LRRC20: variants seen among roughly 807,000 people sequenced by gnomAD.
LRRC20 encodes leucine-rich repeat-containing protein 20.
Under a neutral mutation model 14.4 loss-of-function variants are expected in LRRC20, and 11 were observed. The observed-to-expected ratio is 0.77, with a 90% CI of 0.48 to 1.27. LRRC20 has a LOEUF of 1.27. Among genes scored for constraint, LRRC20 ranks in the 50% most tolerant of loss-of-function variants. LRRC20 has a pLI of 0.00. For synonymous variants in LRRC20, 121 were observed against 107.3 expected (o/e 1.13, Z -0.79); for missense variants, 219 against 251.2 (o/e 0.87, Z 0.87).
chr10:70,368,157 CTTTTTTTT>C (rs373588441), intron 2 of LRRC20, among the ~76,000 whole-genome samples: 3 of 102,804 alleles, frequency 2.9e-5, no homozygotes, highest in East Asian at 2.8e-4. Flanking sequence ...CTAATTTTTG[CTTTTTTTT>C]TTTTTTTTTT....
At chr10:70,325,760 C>T (rs1276384927) in intron 3 of LRRC20, among the ~76,000 whole-genome samples, 1 of 152,100 alleles carries the variant, frequency 6.6e-6, no homozygotes, top group Non-Finnish European at 1.5e-5. Context: ...GCGTGGGTGC[C>T]CTGCACTGTG....
Position 70,341,222 on chromosome 10 carries a change from A to G in LRRC20, c.83-520T>C, listed in dbSNP as rs150821745. On this transcript the variant is annotated intron_variant, in intron 2 of 4. Coordinates refer to ENST00000446961, the MANE Select transcript of LRRC20 (RefSeq NM_001278212.2). ...TGGGAAGCCACTGTGCAGAACAGTC[A>G]GGCACTTCCTCAAATGGTTAAACAC... 4.0e-3 allele frequency among the ~76,000 whole-genome samples: 604 copies of G among 152,370 alleles called. 6 individuals carry two copies. The highest frequency in any genetic ancestry group is 0.013 in the African/African-American group (533 of 41,584).
chr10:70,381,846 G>A (rs1053558227), intron 1 of LRRC20: 2 of 152,320 alleles, frequency 1.3e-5, no homozygotes, highest in African/African-American at 2.4e-5. Context: ...TTGTTTTTGT[G>A]GCATGGGGTT....
chr10:70,325,068 T>A (rs1031265492), intron 3 of LRRC20, among the ~76,000 whole-genome samples: 1 of 151,940 alleles, frequency 6.6e-6, no homozygotes, highest in African/African-American at 2.4e-5. Flanking sequence ...ACAGTGAGTC[T>A]CTCCCCACCC....
At chr10:70,346,568 T>C (rs1843078585) in intron 2 of LRRC20, among the ~76,000 whole-genome samples, 1 of 152,242 alleles carries the variant, frequency 6.6e-6, no homozygotes, top group Admixed American at 6.5e-5. Flanking sequence ...GTGTTGATTG[T>C]TTCTCTTGTT....
intron 4 of LRRC20, among the ~76,000 whole-genome samples, chr10:70,317,916 T>G (rs1841930256): frequency 6.6e-6 from 1 of 152,210 alleles, no homozygotes; most frequent in African/African-American, 2.4e-5. Context: ...AACATTTGTT[T>G]CGGCCAAGAT....
intron 4 of LRRC20, among the ~76,000 whole-genome samples, chr10:70,320,129 A>G (rs1842021520): frequency 6.6e-6 from 1 of 152,170 alleles, no homozygotes; most frequent in South Asian, 2.1e-4. Context: ...GAGGGATGAG[A>G]GGAGGAAGGC....
chr10:70,375,711 T>A (rs10733866), intron 2 of LRRC20, among the ~76,000 whole-genome samples: 1 of 152,044 alleles, frequency 6.6e-6, no homozygotes, highest in Admixed American at 6.5e-5. Context: ...CTGCATTCCA[T>A]GGGTGACATA....
chr10:70,368,461 T>C (rs964812839), intron 2 of LRRC20, among the ~76,000 whole-genome samples: 1 of 151,870 alleles, frequency 6.6e-6, no homozygotes, highest in Non-Finnish European at 1.5e-5. Context: ...CCGGCCATTT[T>C]TGCATTTTTA....
chr10:70,305,133 G>A (rs1014141976), intron 4 of LRRC20, among the ~76,000 whole-genome samples: 11 of 151,478 alleles, frequency 7.3e-5, no homozygotes, highest in South Asian at 2.1e-4. Flanking sequence ...GCAGTGAGCC[G>A]AGATCACACC....
At chr10:70,373,565 G>A (rs545379984) in intron 2 of LRRC20, among the ~76,000 whole-genome samples, 86 of 152,320 alleles carry the variant, frequency 5.6e-4, no homozygotes, top group Non-Finnish European at 1.0e-3. Context: ...ACTATGGCCA[G>A]GTTGGAAATT....
intron 4 of LRRC20, among the ~76,000 whole-genome samples, chr10:70,309,890 C>G (rs1169956212): frequency 1.3e-5 from 2 of 152,252 alleles, no homozygotes. Flanking sequence ...GGAACACATC[C>G]CCACGACTCC....
At chr10:70,369,464 GGAGGGAAGTTGAATACCC>G (rs1171565757) in intron 2 of LRRC20, among the ~76,000 whole-genome samples, 6 of 152,142 alleles carry the variant, frequency 3.9e-5, no homozygotes, top group African/African-American at 1.4e-4. Context: ...AAGCAGGAGA[GGAGGGAAGTTGAATACCC>G]TTGTACAACA....
chr10:70,329,694 T>A (rs772834642), intron 3 of LRRC20, among the ~76,000 whole-genome samples: 28 of 151,976 alleles, frequency 1.8e-4, no homozygotes, highest in Non-Finnish European at 2.8e-4. Flanking sequence ...CCCGAGTAGC[T>A]GGGATTACAG....
chr10:70,349,972 A>G (rs751791641), intron 2 of LRRC20, among the ~76,000 whole-genome samples: 5 of 152,184 alleles, frequency 3.3e-5, no homozygotes, highest in Non-Finnish European at 5.9e-5. Flanking sequence ...GAGAGAGGGA[A>G]GGGAACCCAG....
At chr10:70,370,142 CT>C (rs1423789816) in intron 2 of LRRC20, among the ~76,000 whole-genome samples, 2 of 152,218 alleles carry the variant, frequency 1.3e-5, no homozygotes, top group Non-Finnish European at 2.9e-5. Context: ...AAAATCTCCA[CT>C]AAGATTCTGA....
intron 4 of LRRC20, among the ~76,000 whole-genome samples, chr10:70,309,277 A>G (rs928562): frequency 0.96 from 146,240 of 152,282 alleles, 70,429 homozygotes; most frequent in Non-Finnish European, 1. Context: ...CCAGCAAAGC[A>G]GGCTGCTTCT....
intron 3 of LRRC20, among the ~76,000 whole-genome samples, chr10:70,336,238 G>C (rs747818878): frequency 5.3e-5 from 8 of 152,194 alleles, no homozygotes; most frequent in Middle Eastern, 3.2e-3. Flanking sequence ...CCCAATGCTT[G>C]TGGGAATCTG....
chr10:70,367,741 T>C (rs1844068893), intron 2 of LRRC20, among the ~76,000 whole-genome samples: 1 of 151,990 alleles, frequency 6.6e-6, no homozygotes, highest in Non-Finnish European at 1.5e-5. Context: ...ATAAAAAGGT[T>C]CTGAGTCTTG....
Sources: allele counts gnomAD v4.1 joint callset (sites outside exome capture counted in the v4.1 genomes callset), GRCh38; gene constraint gnomAD v4.1.1; transcripts MANE v1.5; gene names NCBI Gene and HGNC (gene_info 2026-07-23, HGNC 2026-07-21).